DSCAML1: variants seen among roughly 807,000 people sequenced by gnomAD.
DSCAML1 encodes DS cell adhesion molecule like 1, also known as cell adhesion molecule DSCAML1.
Under a neutral mutation model 200.5 loss-of-function variants are expected in DSCAML1, and 38 were observed. The observed-to-expected ratio is 0.19, with a 90% CI of 0.15 to 0.25. The LOEUF (loss-of-function observed/expected upper bound fraction) is 0.25. Ranked by LOEUF, DSCAML1 falls within the 10% of genes least tolerant of loss-of-function variation. The probability of loss-of-function intolerance (pLI) is 1.00; values close to 1 mark genes in which losing one functional copy is unlikely to be tolerated. For missense variants in DSCAML1, 2,223 were observed against 2,858.8 expected, an observed-to-expected ratio of 0.78 and a Z score of 5.07; for synonymous variants, 1,215 against 1,165.0, an observed-to-expected ratio of 1.04 and a Z score of -0.87.
chr11:117,554,163 G>T (rs1393007350), intron 3 of DSCAML1, among the ~76,000 whole-genome samples: 1 of 152,122 alleles, frequency 6.6e-6, no homozygotes. Context: ...AGGGGGAATG[G>T]GGAGCTATTG....
chr11:117,431,384 C>T (rs2047789250), intron 31 of DSCAML1, 150 bp downstream of exon 31: 5 of 734,788 alleles, frequency 6.8e-6, no homozygotes, highest in Admixed American at 3.2e-5. Flanking sequence ...CCCAGCTGCA[C>T]AGTGGGTCAG....
chr11:117,470,738 T>C (rs1277960476), intron 15 of DSCAML1, among the ~76,000 whole-genome samples: 1 of 152,186 alleles, frequency 6.6e-6, no homozygotes, highest in African/African-American at 2.4e-5. Context: ...TAAATGTCCA[T>C]CTACAGTAGA....
chr11:117,793,760 C>T (rs1294758626), intron 1 of DSCAML1, among the ~76,000 whole-genome samples: 2 of 152,202 alleles, frequency 1.3e-5, no homozygotes, highest in African/African-American at 4.8e-5. Flanking sequence ...TTAAGCGCCG[C>T]CTTTGGGTCT....
At chr11:117,507,371 AGACG>A (rs1487959044) in intron 8 of DSCAML1, among the ~76,000 whole-genome samples, 9 of 152,234 alleles carry the variant, frequency 5.9e-5, no homozygotes, top group African/African-American at 2.2e-4. Context: ...CTGGGGGCAA[AGACG>A]GATGGCATCA....
At chr11:117,449,078 A>C (rs555970794) in intron 20 of DSCAML1, among the ~76,000 whole-genome samples, 18 of 152,386 alleles carry the variant, frequency 1.2e-4, no homozygotes, top group African/African-American at 4.1e-4. Context: ...AATGAAATTC[A>C]GGAATTCAAA....
chr11:117,650,686 T>TGTGTGTGTGTGTGTGTGC (rs1555194684), intron 3 of DSCAML1, among the ~76,000 whole-genome samples: 11 of 139,274 alleles, frequency 7.9e-5, no homozygotes, highest in Non-Finnish European at 1.4e-4. Flanking sequence ...TGTGTGTGTG[T>TGTGTGTGTGTGTGTGTGC]GTGTGTGTGT....
At chr11:117,743,163 G>A (rs1565257694) in intron 3 of DSCAML1, among the ~76,000 whole-genome samples, 2 of 152,216 alleles carry the variant, frequency 1.3e-5, no homozygotes, top group South Asian at 4.1e-4. Context: ...GTCCATAGGG[G>A]AGACAGAGAA....
chr11:117,706,733 G>A (rs1041726097), intron 3 of DSCAML1, among the ~76,000 whole-genome samples: 3 of 152,138 alleles, frequency 2.0e-5, no homozygotes, highest in East Asian at 1.9e-4. Context: ...TTAGATCATC[G>A]CTCCTGAACT....
chr11:117,635,415 T>C (rs922374138), intron 3 of DSCAML1, among the ~76,000 whole-genome samples: 4 of 151,868 alleles, frequency 2.6e-5, no homozygotes, highest in African/African-American at 9.7e-5. Flanking sequence ...TTGAGTTTTA[T>C]GGCTTTAAGT....
intron 3 of DSCAML1, among the ~76,000 whole-genome samples, chr11:117,765,298 C>T (rs2054875963): frequency 6.6e-6 from 1 of 152,222 alleles, no homozygotes; most frequent in African/African-American, 2.4e-5. Flanking sequence ...GAGGCTTCTG[C>T]ACACAGCAAG....
chr11:117,756,236 G>C (rs918151334), intron 3 of DSCAML1, among the ~76,000 whole-genome samples: 1 of 152,214 alleles, frequency 6.6e-6, no homozygotes, highest in African/African-American at 2.4e-5. Flanking sequence ...GGTGCCCAGT[G>C]GACTCTTAGG....
intron 1 of DSCAML1, among the ~76,000 whole-genome samples, chr11:117,810,756 T>C (rs1031830125): frequency 6.6e-6 from 1 of 152,196 alleles, no homozygotes; most frequent in African/African-American, 2.4e-5. Flanking sequence ...AAGAGCTAAA[T>C]AATTCTTGTC....
chr11:117,642,434 C>G lies in DSCAML1; in HGVS notation c.512-109912G>C, dbSNP rs2052430321. ...ACAGGTCACAGTCTGGAGGCACAGT[C>G]TGGAAGACAAATAAGGGGAACTGTC... On this transcript the variant is annotated intron_variant, in intron 3 of 32. Transcript: ENST00000651296. This position sits in a 1 kb window ranked among gnomAD's most constrained non-coding sequence, Gnocchi z 4.1. Among the ~76,000 whole-genome samples, 1 of 152,180 alleles carries G rather than the reference C, an allele frequency of 6.6e-6. No homozygotes were observed. The highest frequency in any genetic ancestry group is 1.5e-5 in the Non-Finnish European group (1 of 68,030).
intron 3 of DSCAML1, among the ~76,000 whole-genome samples, chr11:117,562,386 A>G (rs116027918): frequency 1.4e-4 from 21 of 152,322 alleles, no homozygotes; most frequent in African/African-American, 4.8e-4. Flanking sequence ...TGCCAGCCCC[A>G]TGCAAGTGCC....
intron 3 of DSCAML1, among the ~76,000 whole-genome samples, chr11:117,705,213 T>C (rs2053738902): frequency 6.6e-6 from 1 of 152,152 alleles, no homozygotes; most frequent in African/African-American, 2.4e-5. Context: ...GAGTTTGCAA[T>C]CCCAGAGAAC....
intron 3 of DSCAML1, among the ~76,000 whole-genome samples, chr11:117,715,261 C>T (rs564538699): frequency 4.1e-4 from 62 of 152,120 alleles, no homozygotes; most frequent in African/African-American, 1.3e-3. Flanking sequence ...CCTTGGCCAA[C>T]ACTACGCCTA....
At chr11:117,725,091 G>T (rs959570827) in intron 3 of DSCAML1, among the ~76,000 whole-genome samples, 10 of 152,168 alleles carry the variant, frequency 6.6e-5, no homozygotes, top group African/African-American at 2.4e-4. Flanking sequence ...AAATAGGAGG[G>T]ATTTGCTTCC....
At chr11:117,755,133 AATG>A (rs1200772447) in intron 3 of DSCAML1, among the ~76,000 whole-genome samples, 1 of 152,094 alleles carries the variant, frequency 6.6e-6, no homozygotes, top group African/African-American at 2.4e-5. Context: ...TACACCTTTC[AATG>A]ATGTCTATTG....
chr11:117,772,942 C>T (rs970492782), intron 3 of DSCAML1, among the ~76,000 whole-genome samples: 1 of 152,166 alleles, frequency 6.6e-6, no homozygotes, highest in Non-Finnish European at 1.5e-5. Context: ...AGATGACCCA[C>T]TTGAGGGAGT....
Sources: allele counts gnomAD v4.1 joint callset (sites outside exome capture counted in the v4.1 genomes callset), GRCh38; gene constraint gnomAD v4.1.1; non-coding constraint Gnocchi (gnomAD v3.1); transcripts MANE v1.5; gene names NCBI Gene and HGNC (gene_info 2026-07-23, HGNC 2026-07-21).